The following CATSPERE variants were observed in gnomAD, a reference collection of about 807,000 sequenced individuals.
The protein encoded by CATSPERE is catsper channel auxiliary subunit epsilon, also known as cation channel sperm-associated auxiliary subunit epsilon.
Under a neutral mutation model 114.1 loss-of-function variants are expected in CATSPERE, and 93 were observed. The ratio of observed to expected loss-of-function variants is 0.81; its 90% CI spans 0.69 to 0.97. The LOEUF (loss-of-function observed/expected upper bound fraction) is 0.97. Ranked by LOEUF, CATSPERE falls within the 50% of genes least tolerant of loss-of-function variation. CATSPERE has a pLI of 0.00. For synonymous variants in CATSPERE, 341 were observed against 384.1 expected, an observed-to-expected ratio of 0.89 and a Z score of 1.31; for missense variants, 1,058 against 1,131.6, an observed-to-expected ratio of 0.93 and a Z score of 0.93.
chr1:244,567,804 G>T (rs1223202528), intron 10 of CATSPERE, among the ~76,000 whole-genome samples: 2 of 151,912 alleles, frequency 1.3e-5, no homozygotes, highest in Non-Finnish European at 2.9e-5. Flanking sequence ...TTAGCTCAGA[G>T]GAGTTTGTTA....
At chr1:244,498,588 T>C (rs1464958355) in intron 6 of CATSPERE, among the ~76,000 whole-genome samples, 1 of 152,160 alleles carries the variant, frequency 6.6e-6, no homozygotes, top group East Asian at 1.9e-4. Flanking sequence ...GAGGTTGTCA[T>C]GTCTATTTAT....
At chr1:244,490,213 T>C (rs1232329212) in intron 5 of CATSPERE, among the ~76,000 whole-genome samples, 1 of 152,216 alleles carries the variant, frequency 6.6e-6, no homozygotes, top group Non-Finnish European at 1.5e-5. Flanking sequence ...GCAGGAAGCA[T>C]GCAGATTTAA....
chr1:244,559,081 G>A (rs185423866), intron 9 of CATSPERE, among the ~76,000 whole-genome samples: 3 of 152,330 alleles, frequency 2.0e-5, no homozygotes, highest in Admixed American at 1.3e-4. Flanking sequence ...GTGGAGTTAC[G>A]TGGGAAAGGG....
intron 20 of CATSPERE, among the ~76,000 whole-genome samples, chr1:244,620,571 G>A (rs916360453): frequency 6.6e-6 from 1 of 152,068 alleles, no homozygotes; most frequent in Non-Finnish European, 1.5e-5. Flanking sequence ...ACAAGTGAAA[G>A]AACATCATTT....
intron 20 of CATSPERE, among the ~76,000 whole-genome samples, chr1:244,630,442 T>C (rs1291873280): frequency 6.6e-6 from 1 of 152,204 alleles, no homozygotes; most frequent in African/African-American, 2.4e-5. Context: ...ATTTGCTAAA[T>C]GAATGGCTGC....
At chr1:244,624,614 A>G (rs1672856393) in intron 20 of CATSPERE, among the ~76,000 whole-genome samples, 1 of 151,984 alleles carries the variant, frequency 6.6e-6, no homozygotes, top group Admixed American at 6.6e-5. Context: ...CAGCCTGGCC[A>G]ACATGGAGAA....
chr1:244,601,895 A>G (rs777813510), intron 17 of CATSPERE, among the ~76,000 whole-genome samples: 2 of 152,134 alleles, frequency 1.3e-5, no homozygotes, highest in African/African-American at 2.4e-5. Flanking sequence ...CAGAGGTTGC[A>G]GTGTGCCAAG....
At chr1:244,479,678 A>C in intron 4 of CATSPERE, 39 bp from the exon 5 acceptor site, 1 of 1,300,008 alleles carries the variant, frequency 7.7e-7, no homozygotes, top group Admixed American at 1.8e-5. Flanking sequence ...ATTTGATTTA[A>C]TGTTAATATA....
intron 5 of CATSPERE, among the ~76,000 whole-genome samples, chr1:244,483,906 C>G (rs1670620962): frequency 6.6e-6 from 1 of 152,016 alleles, no homozygotes; most frequent in Admixed American, 6.5e-5. Flanking sequence ...AGGATTTCTC[C>G]TATATTGTTT....
Position 244,560,804 on chromosome 1 carries a change from TG to T in CATSPERE, c.1167del (p.Thr390ProfsTer2), listed in dbSNP as rs1662437481. 1 of 1,614,094 alleles carries T rather than the reference TG, an allele frequency of 6.2e-7. No individual in the cohort carries two copies. Among genetic ancestry groups the T allele is most frequent in the African/African-American group, 1.3e-5 (1 of 75,056 alleles). ...NILSLSVTAT[L>X]TIDRVEYTGH... ...CTAAGTCTATCGGTGACTGCTACTCTGACCATAGACAGGGTTGAGTATACAG... is the reference window on the plus strand; with the variant it reads ...CTAAGTCTATCGGTGACTGCTACTCTACCATAGACAGGGTTGAGTATACAG... On this transcript the variant is annotated frameshift_variant, in exon 10 of 22. Coordinates refer to ENST00000366534, the MANE Select transcript of CATSPERE (RefSeq NM_001130957.2). LOFTEE classifies it high-confidence loss of function.
In CATSPERE at chr1:244,610,243, GGT is replaced by G. The variant is rs779774878; in HGVS notation, c.2408_2409del (p.Gly803ValfsTer4). 6.2e-7 allele frequency: 1 copy of G among 1,603,228 alleles called. No homozygotes were observed. Among genetic ancestry groups the G allele is most frequent in the Admixed American group, 1.7e-5 (1 of 58,884 alleles). Reference protein sequence around the residue: ...YSFNNTMAQSGCLHEAQTWKS... With the variant: ...YSFNNTMAQSXCLHEAQTWKS... ...TACATGTGCCATCTTTTGACAGAGT[GGT>G]TGTTTACATGAAGCACAGACATGGA... is the stretch of plus-strand genomic sequence containing the variant. On this transcript the variant is annotated frameshift_variant, in exon 19 of 22. Coordinates refer to ENST00000366534, the MANE Select transcript of CATSPERE (RefSeq NM_001130957.2). LOFTEE classifies it high-confidence loss of function.
At chr1:244,588,355 G>T in intron 13 of CATSPERE, 127 bp from the exon 14 acceptor site, 1 of 707,796 alleles carries the variant, frequency 1.4e-6, no homozygotes, top group South Asian at 1.7e-5. Flanking sequence ...CAGAGCAGTG[G>T]TATAAGAGAA....
chr1:244,463,867 A>G, intron 1 of CATSPERE, 41 bp from the exon 2 acceptor site: 4 of 1,491,846 alleles, frequency 2.7e-6, no homozygotes, highest in Non-Finnish European at 3.7e-6. Flanking sequence ...TTTGAAGAAT[A>G]AATTAGTTTT....
At chr1:244,478,163 A>G (rs567362103) in intron 4 of CATSPERE, among the ~76,000 whole-genome samples, 188 bp downstream of exon 4, 1 of 152,160 alleles carries the variant, frequency 6.6e-6, no homozygotes, top group South Asian at 2.1e-4. Context: ...ATCTCATGTT[A>G]AATTCTAAAT....
At chr1:244,579,031 A>G (rs1285562488) in intron 11 of CATSPERE, among the ~76,000 whole-genome samples, 1 of 152,062 alleles carries the variant, frequency 6.6e-6, no homozygotes, top group East Asian at 1.9e-4. Context: ...GTGTTATTCA[A>G]GGTTTACAGT....
At chr1:244,578,736 CAT>C (rs1456161459) in intron 11 of CATSPERE, among the ~76,000 whole-genome samples, 10 of 146,916 alleles carry the variant, frequency 6.8e-5, no homozygotes, top group African/African-American at 1.2e-4. Context: ...TATACACACA[CAT>C]ATATATATAT....
At chr1:244,528,856 A>C (rs1224728983) in intron 8 of CATSPERE, among the ~76,000 whole-genome samples, 1 of 148,284 alleles carries the variant, frequency 6.7e-6, no homozygotes, top group East Asian at 2.0e-4. Flanking sequence ...GGCAACCATC[A>C]TTCTACTCTC....
chr1:244,565,361 G>A (rs1471037299), intron 10 of CATSPERE, among the ~76,000 whole-genome samples: 1 of 152,132 alleles, frequency 6.6e-6, no homozygotes, highest in South Asian at 2.1e-4. Context: ...GAATTTGGCT[G>A]TGAATCTGTC....
In CATSPERE at chr1:244,568,984, C is replaced by A. The variant is rs979151578; in HGVS notation, c.1508-3346C>A. Among the ~76,000 whole-genome samples the A allele has an allele frequency of 1.3e-5, 2 of 152,190 alleles. No homozygotes were observed. The highest frequency in any genetic ancestry group is 6.5e-5 in the Admixed American group (1 of 15,274). On this transcript the variant is annotated intron_variant, in intron 10 of 21. Transcript: ENST00000366534. The surrounding 1 kb of genome is among the most constrained non-coding windows in gnomAD (Gnocchi z 4.4). ...GCCTAGTTTTGTGCTTGAAACCCAG[C>A]GCCCTGGTGGTGTAGTAACCTGAGG...
Sources: allele counts gnomAD v4.1 joint callset (sites outside exome capture counted in the v4.1 genomes callset), GRCh38; gene constraint gnomAD v4.1.1; non-coding constraint Gnocchi (gnomAD v3.1); transcripts MANE v1.5; gene names NCBI Gene and HGNC (gene_info 2026-07-23, HGNC 2026-07-21).